The following DPP6 variants were observed in gnomAD, a reference collection of about 807,000 sequenced individuals.
DPP6 encodes dipeptidyl peptidase like 6.
In DPP6, 69 loss-of-function variants were observed where a neutral mutation model predicts 122.6. That is an observed-to-expected ratio of 0.56 (90% CI 0.46 to 0.69). DPP6 has a LOEUF of 0.69. DPP6 is among the 30% of genes least tolerant of loss of function. The probability of loss-of-function intolerance (pLI) is 0.00; values close to 1 mark genes in which losing one functional copy is unlikely to be tolerated. For missense variants in DPP6, 928 were observed against 1,116.9 expected, an observed-to-expected ratio of 0.83 and a Z score of 2.41; for synonymous variants, 418 against 433.1, an observed-to-expected ratio of 0.97 and a Z score of 0.43.
At chr7:154,221,608 A>T (rs1800310383) in intron 1 of DPP6, among the ~76,000 whole-genome samples, 1 of 152,126 alleles carries the variant, frequency 6.6e-6, no homozygotes, top group Non-Finnish European at 1.5e-5. Context: ...CAGTCCTATA[A>T]CTCAGTGGCT....
At chr7:154,370,561 T>C (rs1812570335) in intron 1 of DPP6, among the ~76,000 whole-genome samples, 2 of 152,224 alleles carry the variant, frequency 1.3e-5, no homozygotes, top group Admixed American at 6.5e-5. Context: ...TCTTCGTTGA[T>C]CTTTGTCCTG....
At chr7:154,648,267 TAAA>T (rs35397756) in intron 6 of DPP6, among the ~76,000 whole-genome samples, 26 of 139,990 alleles carry the variant, frequency 1.9e-4, no homozygotes, top group African/African-American at 4.4e-4. Context: ...AAACTCTGTC[TAAA>T]AAAAAAAAAA....
At chr7:154,862,495 G>A (rs183056659) in intron 17 of DPP6, among the ~76,000 whole-genome samples, 37 of 152,374 alleles carry the variant, frequency 2.4e-4, no homozygotes, top group Middle Eastern at 3.4e-3. Context: ...CTGGCATTTG[G>A]CTAACACAGA....
chr7:153,944,755 T>C (rs918019616), intron 1 of DPP6, among the ~76,000 whole-genome samples: 1 of 145,252 alleles, frequency 6.9e-6, no homozygotes, highest in South Asian at 2.2e-4. Context: ...CTCAACCTCT[T>C]GAGTAGCTGG....
chr7:153,801,252 A>G, the DPP6 span, among the ~76,000 whole-genome samples: 1 of 144,078 alleles, frequency 6.9e-6, no homozygotes, highest in East Asian at 2.0e-4. Context: ...TTTCAACACC[A>G]AAGAAATGTA....
chr7:154,881,710 C>T (rs2150673049), intron 21 of DPP6, among the ~76,000 whole-genome samples: 2 of 152,328 alleles, frequency 1.3e-5, no homozygotes, highest in South Asian at 4.1e-4. Flanking sequence ...AACCTCAGAG[C>T]CCAGCATGCA....
the DPP6 span, among the ~76,000 whole-genome samples, chr7:153,819,072 C>CT: frequency 1.1e-4 from 7 of 63,856 alleles, no homozygotes; most frequent in Non-Finnish European, 1.8e-4. Context: ...TTCCCCTTTT[C>CT]TTTTCTTTTT....
chr7:154,771,340 G>A (rs151187430), intron 9 of DPP6, among the ~76,000 whole-genome samples: 240 of 152,304 alleles, frequency 1.6e-3, no homozygotes, highest in African/African-American at 5.4e-3. Context: ...TTAGGGTTCC[G>A]GCTGATTTGG....
the DPP6 span, among the ~76,000 whole-genome samples, chr7:153,866,337 T>C: frequency 6.6e-6 from 1 of 152,206 alleles, no homozygotes; most frequent in African/African-American, 2.4e-5. Flanking sequence ...TTTTTAATGA[T>C]CGCCGTTCTA....
At chr7:154,415,029 G>C (rs1816906502) in intron 1 of DPP6, among the ~76,000 whole-genome samples, 1 of 152,100 alleles carries the variant, frequency 6.6e-6, no homozygotes, top group African/African-American at 2.4e-5. Flanking sequence ...CCACTGCAGG[G>C]CCTTTGTCCA....
chr7:154,574,906 G>A (rs1831432854), intron 5 of DPP6, among the ~76,000 whole-genome samples: 1 of 139,560 alleles, frequency 7.2e-6, no homozygotes, highest in African/African-American at 2.7e-5. Flanking sequence ...TATGTGTGGT[G>A]TGCGTGTGTG....
chr7:154,535,566 G>T (rs912200337), intron 3 of DPP6, among the ~76,000 whole-genome samples: 2 of 151,254 alleles, frequency 1.3e-5, no homozygotes, highest in Admixed American at 1.3e-4. Context: ...AGGCCCCAGT[G>T]TTTAAAAAAT....
intron 7 of DPP6, among the ~76,000 whole-genome samples, chr7:154,693,445 A>C (rs569514116): frequency 5.9e-5 from 9 of 152,206 alleles, no homozygotes; most frequent in African/African-American, 2.2e-4. Flanking sequence ...GAGAGCACTG[A>C]TTTTCCAGAA....
intron 1 of DPP6, among the ~76,000 whole-genome samples, chr7:154,328,455 G>A (rs574135481): frequency 1.2e-4 from 18 of 152,190 alleles, no homozygotes; most frequent in Non-Finnish European, 1.9e-4. Context: ...TGATGTTCAT[G>A]TAAAGTGAGA....
intron 1 of DPP6, among the ~76,000 whole-genome samples, chr7:154,195,915 G>C (rs1798843014): frequency 6.6e-6 from 1 of 152,144 alleles, no homozygotes; most frequent in Non-Finnish European, 1.5e-5. Flanking sequence ...TACATGCCTT[G>C]TGTGAGGGAT....
At chr7:154,574,252 GGT>G (rs1157388029) in intron 5 of DPP6, among the ~76,000 whole-genome samples, 3 of 146,900 alleles carry the variant, frequency 2.0e-5, no homozygotes, top group African/African-American at 7.5e-5. Context: ...GTGTATGTGT[GGT>G]GTGTGTGTAT....
At chr7:154,117,186 A>T (rs1173656381) in intron 1 of DPP6, among the ~76,000 whole-genome samples, 5 of 152,056 alleles carry the variant, frequency 3.3e-5, no homozygotes, top group Admixed American at 2.0e-4. Flanking sequence ...TTAAATTTTT[A>T]AATTTTATTA....
exon 1 of DPP6, chr7:153,887,457 T>C: frequency 2.1e-6 from 1 of 471,008 alleles, no homozygotes; most frequent in Non-Finnish European, 3.8e-6. Flanking sequence ...TTTCTTTCTT[T>C]ATTGGTAGCG....
chr7:154,055,037 T>A (rs1464862762), intron 1 of DPP6, among the ~76,000 whole-genome samples: 1 of 151,936 alleles, frequency 6.6e-6, no homozygotes, highest in Non-Finnish European at 1.5e-5. Flanking sequence ...ACATGTACAT[T>A]TGTTAATGGG....
Sources: allele counts gnomAD v4.1 joint callset (sites outside exome capture counted in the v4.1 genomes callset), GRCh38; gene constraint gnomAD v4.1.1; transcripts MANE v1.5; gene names NCBI Gene and HGNC (gene_info 2026-07-23, HGNC 2026-07-21).